GABRG3: variants seen among roughly 807,000 people sequenced by gnomAD.
GABRG3 encodes gamma-aminobutyric acid receptor subunit gamma-3.
GABRG3 carries 25 observed loss-of-function variants against 48.8 expected under a neutral mutation model. The ratio of observed to expected loss-of-function variants is 0.51; its 90% CI spans 0.37 to 0.72. The LOEUF is 0.72. GABRG3 is among the 30% of genes least tolerant of loss of function. The pLI is 0.00. For missense variants in GABRG3, 394 were observed against 577.9 expected (o/e 0.68, Z 3.26); for synonymous variants, 227 against 217.6 (o/e 1.04, Z -0.38).
intron 3 of GABRG3, 192 bp downstream of exon 3, chr15:27,027,013 G>C (rs908452795): frequency 2.2e-6 from 1 of 462,128 alleles, no homozygotes; most frequent in Non-Finnish European, 3.8e-6. Flanking sequence ...GATGGTAGTA[G>C]CATTTCCACT....
rs537844234 is a variant in GABRG3, at chr15:27,397,613, G to A, written c.574+68725G>A. ...TCACATTGCTCTGAAATTTGCCTCC[G>A]CCTCTGCTCGTCTATGGTTTGTCCC... On this transcript the variant is annotated intron_variant, in intron 5 of 9. Coordinates refer to ENST00000615808, the MANE Select transcript of GABRG3 (RefSeq NM_033223.5). 6.3e-4 allele frequency among the ~76,000 whole-genome samples: 96 copies of A among 151,976 alleles called. 1 individual carries two copies. Among genetic ancestry groups the A allele is most frequent in the African/African-American group, 2.1e-3 (87 of 41,464 alleles).
rs201839822 is a variant in GABRG3 at position 27,374,138 on chromosome 15, CTTTTTT to C, written c.574+45268_574+45273del. On this transcript the variant is annotated intron_variant, in intron 5 of 9. Coordinates refer to ENST00000615808, the MANE Select transcript of GABRG3 (RefSeq NM_033223.5). ...GAATTTTCTTTCCTTTTCTTTTCTTCTTTTTTTTTTTTTTTTTTTTTTTCAGTGTGT... is the reference window on the plus strand; with the variant it reads ...GAATTTTCTTTCCTTTTCTTTTCTTCTTTTTTTTTTTTTTTTTCAGTGTGT... Among the ~76,000 whole-genome samples, 186 of 91,636 alleles carry C rather than the reference CTTTTTT, an allele frequency of 2.0e-3. 2 individuals are homozygous for C. Among genetic ancestry groups the C allele is most frequent in the African/African-American group, 7.6e-3 (180 of 23,692 alleles). The allele number at this position is 91,636 out of a possible 152,430, so 60.1% of individuals were successfully genotyped here.
At position 27,072,963 on chromosome 15, in the gene GABRG3, T is replaced by C. The variant is rs557065934; in HGVS notation, c.270+46142T>C. Among the ~76,000 whole-genome samples, 5 of 152,324 alleles carry C rather than the reference T, an allele frequency of 3.3e-5. No individual in the cohort carries two copies. In the South Asian group the frequency reaches 1.0e-3, roughly 32 times the overall value. ...AGTCAGACTGACCCTATTTTCCAAA[T>C]GTAGGCCAAATACATTTACTACCAA... On this transcript the variant is annotated intron_variant, in intron 3 of 9. Coordinates refer to ENST00000615808, the MANE Select transcript of GABRG3 (RefSeq NM_033223.5).
chr15:27,089,426 C>G (rs1025537197), intron 3 of GABRG3, among the ~76,000 whole-genome samples: 21 of 152,208 alleles, frequency 1.4e-4, no homozygotes, highest in African/African-American at 5.1e-4. Flanking sequence ...CATTCTAAGT[C>G]TAGTCTCTAG....
intron 3 of GABRG3, among the ~76,000 whole-genome samples, chr15:27,261,260 C>A (rs1890758297): frequency 6.6e-6 from 1 of 152,032 alleles, no homozygotes; most frequent in Non-Finnish European, 1.5e-5. Flanking sequence ...ACCAATATAA[C>A]TAATAGTCTT....
intron 3 of GABRG3, among the ~76,000 whole-genome samples, chr15:27,253,965 G>A (rs1319173816): frequency 2.6e-5 from 4 of 152,290 alleles, no homozygotes; most frequent in Admixed American, 6.5e-5. Flanking sequence ...AGGTTATGTC[G>A]CTTTCCAATT....
In GABRG3 at chr15:27,534,039, T is replaced by C. The variant is rs1891493549; in HGVS notation, c.*1158T>C. Reference sequence around the variant, plus strand: ...TTTTGTTTTTTGTTTTTTGGGTTTTTTTAGTAGAGACGGGGTTTCACCATG... The same window carrying C: ...TTTTGTTTTTTGTTTTTTGGGTTTTCTTAGTAGAGACGGGGTTTCACCATG... On this transcript the variant is annotated 3_prime_UTR_variant, in exon 10 of 10. Transcript: ENST00000615808. The C allele has an allele frequency of 6.6e-6, 1 of 151,948 alleles. No individual in the cohort carries two copies. 9.4% of individuals were successfully genotyped at this position (151,948 alleles called of 1,614,324 possible). A position where few individuals can be genotyped will look rare whatever the true frequency, so the allele number is the denominator to read the frequency against.
At chr15:27,048,139 G>A (rs72715941) in intron 3 of GABRG3, among the ~76,000 whole-genome samples, 13,111 of 152,106 alleles carry the variant, frequency 0.086, 786 homozygotes, top group South Asian at 0.2. Context: ...GCAGGGGGGT[G>A]AGTACAGGGG....
At chr15:27,025,785 C>T (rs2037605714) in intron 2 of GABRG3, among the ~76,000 whole-genome samples, 2 of 152,214 alleles carry the variant, frequency 1.3e-5, no homozygotes, top group African/African-American at 4.8e-5. Flanking sequence ...AGACTACACT[C>T]TTGTTTCTAT....
At chr15:27,159,513 G>T (rs977396401) in intron 3 of GABRG3, among the ~76,000 whole-genome samples, 10 of 150,858 alleles carry the variant, frequency 6.6e-5, no homozygotes, top group African/African-American at 2.4e-4. Flanking sequence ...CCTCCATCCT[G>T]CCTGAACCTG....
At chr15:27,330,626 C>G (rs557277713) in intron 5 of GABRG3, among the ~76,000 whole-genome samples, 19 of 152,254 alleles carry the variant, frequency 1.2e-4, no homozygotes, top group African/African-American at 4.3e-4. Flanking sequence ...ACAATGCTGC[C>G]AGAAAGAATA....
chr15:27,159,108 G>A (rs1898508322), intron 3 of GABRG3, among the ~76,000 whole-genome samples: 1 of 144,996 alleles, frequency 6.9e-6, no homozygotes, highest in South Asian at 2.2e-4. Context: ...CCTCCTCCAT[G>A]TTCTGCTATA....
Position 27,092,308 on chromosome 15 carries a change from A to G in GABRG3, c.270+65487A>G, listed in dbSNP as rs183003671. Among the ~76,000 whole-genome samples, 5 of 152,288 alleles carry G rather than the reference A, an allele frequency of 3.3e-5. No individual in the cohort carries two copies. The East Asian group carries it at 9.7e-4, about 29-fold the overall frequency. On this transcript the variant is annotated intron_variant, in intron 3 of 9. Coordinates refer to ENST00000615808, the MANE Select transcript of GABRG3 (RefSeq NM_033223.5). The stretch of plus-strand genomic sequence containing the variant: ...CTCCCAGATTTGAGTCTTATAAAGA[A>G]TGCTTCTTTGTGTGTGTGCATTTCC...
chr15:27,134,581 G>A (rs1035079240), intron 3 of GABRG3, among the ~76,000 whole-genome samples: 20 of 152,096 alleles, frequency 1.3e-4, no homozygotes, highest in African/African-American at 4.8e-4. Flanking sequence ...CTCTGGCCTA[G>A]TCCCACCCAT....
chr15:27,231,156 A>G (rs1474899130), intron 3 of GABRG3, among the ~76,000 whole-genome samples: 1 of 152,160 alleles, frequency 6.6e-6, no homozygotes, highest in Admixed American at 6.5e-5. Flanking sequence ...GTTTTTAGGT[A>G]CATACATACA....
intron 3 of GABRG3, among the ~76,000 whole-genome samples, chr15:27,038,267 G>T (rs1896213116): frequency 6.6e-6 from 1 of 152,176 alleles, no homozygotes; most frequent in African/African-American, 2.4e-5. Flanking sequence ...GGTGAGGGCT[G>T]CTCTCTGCTT....
At chr15:27,424,223 A>G (rs997054507) in intron 5 of GABRG3, among the ~76,000 whole-genome samples, 1 of 152,174 alleles carries the variant, frequency 6.6e-6, no homozygotes, top group Non-Finnish European at 1.5e-5. Context: ...CATATAGCCT[A>G]TGCAAATAGT....
At chr15:27,107,261 C>T (rs1897466259) in intron 3 of GABRG3, among the ~76,000 whole-genome samples, 2 of 151,952 alleles carry the variant, frequency 1.3e-5, no homozygotes, top group South Asian at 4.1e-4. Context: ...AGGTGATCTT[C>T]ATGAATGAGT....
chr15:27,124,691 G>C (rs1897788419), intron 3 of GABRG3, among the ~76,000 whole-genome samples: 1 of 152,164 alleles, frequency 6.6e-6, no homozygotes, highest in Non-Finnish European at 1.5e-5. Flanking sequence ...AGGGGAGTAG[G>C]GGGAAGGCCC....
Sources: gnomAD v4.1 joint callset for allele counts (sites outside exome capture counted in the v4.1 genomes callset) on GRCh38, gnomAD v4.1.1 for gene constraint, MANE v1.5 for transcripts, NCBI Gene and HGNC (gene_info 2026-07-23, HGNC 2026-07-21) for gene names.